The following HHIP variants were observed in gnomAD, a reference collection of about 807,000 sequenced individuals.
HHIP encodes the protein hedgehog-interacting protein.
In HHIP, 12 loss-of-function variants were observed where a neutral mutation model predicts 74.0. That is an observed-to-expected ratio of 0.16 (90% confidence interval 0.10 to 0.26). The LOEUF (loss-of-function observed/expected upper bound fraction) is 0.26, where lower values mean the gene tolerates loss of function less well. HHIP is among the 10% of genes least tolerant of loss of function. The probability of loss-of-function intolerance (pLI) is 1.00; values close to 1 mark genes in which losing one functional copy is unlikely to be tolerated. For synonymous variants in HHIP, 309 were observed against 311.6 expected, an observed-to-expected ratio of 0.99 and a Z score of 0.09; for missense variants, 788 against 845.0, an observed-to-expected ratio of 0.93 and a Z score of 0.84.
chr4:144,678,598 T>C (rs530439532), intron 4 of HHIP, among the ~76,000 whole-genome samples: 1 of 152,076 alleles, frequency 6.6e-6, no homozygotes, highest in Non-Finnish European at 1.5e-5. Flanking sequence ...TGTGTCCACA[T>C]GTTCTCATTC....
At chr4:144,723,545 C>T (rs1730697668) in intron 11 of HHIP, among the ~76,000 whole-genome samples, 1 of 152,196 alleles carries the variant, frequency 6.6e-6, no homozygotes, top group African/African-American at 2.4e-5. Context: ...CATAATAGAG[C>T]AGCTTTAGCC....
At chr4:144,711,881 A>G in intron 7 of HHIP, 69 bp from the exon 8 acceptor site, 1 of 1,501,280 alleles carries the variant, frequency 6.7e-7, no homozygotes, top group Non-Finnish European at 9.1e-7. Context: ...TTCCTATGTC[A>G]GGAATCTCCA....
chr4:144,689,535 TACA>T (rs1413947401), intron 4 of HHIP, among the ~76,000 whole-genome samples: 1 of 152,308 alleles, frequency 6.6e-6, no homozygotes, highest in South Asian at 2.1e-4. Context: ...GGTGGTAAAG[TACA>T]ACATTTTTAA....
intron 4 of HHIP, among the ~76,000 whole-genome samples, chr4:144,702,336 A>G (rs917625010): frequency 9.2e-5 from 14 of 152,248 alleles, no homozygotes; most frequent in Middle Eastern, 3.4e-3. Context: ...TATTTACATT[A>G]AAGTATCAGT....
intron 9 of HHIP, 60 bp downstream of exon 9, chr4:144,714,408 G>C (rs1484227212): frequency 3.3e-6 from 5 of 1,532,894 alleles, no homozygotes; most frequent in Non-Finnish European, 4.5e-6. Context: ...TTAATCATTT[G>C]GCAAACTGCC....
intron 4 of HHIP, among the ~76,000 whole-genome samples, chr4:144,691,292 C>G (rs1295633430): frequency 6.6e-6 from 1 of 152,140 alleles, no homozygotes; most frequent in Non-Finnish European, 1.5e-5. Flanking sequence ...AAACAAACTT[C>G]AAGGTTTATT....
chr4:144,669,995 T>A (rs1241284919), intron 4 of HHIP, among the ~76,000 whole-genome samples: 2 of 103,152 alleles, frequency 1.9e-5, no homozygotes, highest in African/African-American at 3.0e-5. Context: ...AAAAAAAAAA[T>A]TAGCTGGGTG....
intron 4 of HHIP, 38 bp from the exon 5 acceptor site, chr4:144,706,493 T>C (rs1377099271): frequency 6.6e-7 from 1 of 1,518,788 alleles, no homozygotes; most frequent in Non-Finnish European, 8.9e-7. Context: ...AGAACATAAT[T>C]AACTTTACAA....
At chr4:144,670,570 AC>A (rs1729007877) in intron 4 of HHIP, among the ~76,000 whole-genome samples, 1 of 151,806 alleles carries the variant, frequency 6.6e-6, no homozygotes, top group East Asian at 1.9e-4. Context: ...TCTTATTCTA[AC>A]CCAACTTTGA....
chr4:144,695,008 T>C (rs1169698464), intron 4 of HHIP, among the ~76,000 whole-genome samples: 1 of 151,864 alleles, frequency 6.6e-6, no homozygotes, highest in Non-Finnish European at 1.5e-5. Context: ...ATAGACCAAG[T>C]CATTCTAAAA....
chr4:144,700,303 C>G lies in HHIP; in HGVS notation c.832-6228C>G, dbSNP rs9308183. Among the ~76,000 whole-genome samples the G allele has an allele frequency of 3.1e-3, 470 of 152,284 alleles. 4 individuals are homozygous for G. Among genetic ancestry groups the G allele is most frequent in the African/African-American group, 8.7e-3 (363 of 41,548 alleles). On this transcript the variant is annotated intron_variant, in intron 4 of 12. Coordinates refer to ENST00000296575, the MANE Select transcript of HHIP (RefSeq NM_022475.3). ...ACTTCACTGGTCTCCTCTTTCAGTG[C>G]TCACAGGAGGGCATGGCCATGAAGA...
intron 4 of HHIP, among the ~76,000 whole-genome samples, chr4:144,698,259 A>G (rs1383801147): frequency 6.6e-6 from 1 of 152,166 alleles, no homozygotes; most frequent in African/African-American, 2.4e-5. Flanking sequence ...TCCCAACAGC[A>G]TTTGAAAATT....
chr4:144,694,615 G>T (rs753230419), intron 4 of HHIP, among the ~76,000 whole-genome samples: 10 of 151,440 alleles, frequency 6.6e-5, no homozygotes, highest in Non-Finnish European at 1.2e-4. Context: ...AAACAATTTT[G>T]TACCCTTTGC....
chr4:144,660,559 C>T (rs1351806519), intron 4 of HHIP, among the ~76,000 whole-genome samples: 1 of 151,672 alleles, frequency 6.6e-6, no homozygotes, highest in African/African-American at 2.4e-5. Flanking sequence ...TTGGGAAGAA[C>T]TGGTTATCCT....
At chr4:144,653,750 TAG>T (rs1728487780) in intron 2 of HHIP, among the ~76,000 whole-genome samples, 1 of 152,192 alleles carries the variant, frequency 6.6e-6, no homozygotes, top group Non-Finnish European at 1.5e-5. Context: ...CAGGAAAGTG[TAG>T]ACTTTTGTAT....
chr4:144,673,640 A>C (rs1367326458), intron 4 of HHIP, among the ~76,000 whole-genome samples: 1 of 152,222 alleles, frequency 6.6e-6, no homozygotes, highest in African/African-American at 2.4e-5. Flanking sequence ...GGTATCCTGA[A>C]GTCAGAGAGG....
intron 7 of HHIP, among the ~76,000 whole-genome samples, chr4:144,709,452 A>G (rs1029956984): frequency 1.3e-5 from 2 of 152,126 alleles, no homozygotes; most frequent in Non-Finnish European, 2.9e-5. Context: ...CTGAACCTCA[A>G]TGCAAAAACA....
At chr4:144,668,234 T>A (rs546556722) in intron 4 of HHIP, among the ~76,000 whole-genome samples, 1 of 152,080 alleles carries the variant, frequency 6.6e-6, no homozygotes, top group South Asian at 2.1e-4. Flanking sequence ...GGAGAATCAC[T>A]TGAACCCCGG....
In HHIP at chr4:144,741,889, G is replaced by T. The variant is rs1473971942; in HGVS notation, c.*3932G>T. The T allele has an allele frequency of 6.6e-6, 1 of 151,884 alleles. No homozygotes were observed. Among genetic ancestry groups the T allele is most frequent in the African/African-American group, 2.4e-5 (1 of 41,312 alleles). The allele number at this position is 151,884 out of a possible 1,614,324, so 9.4% of individuals were successfully genotyped here. On this transcript the variant is annotated 3_prime_UTR_variant, in exon 13 of 13. Transcript: ENST00000296575. ...TAGAGGAAGGCTAAGGTATACTATT[G>T]GCAGTTGTAGTTTTAATTGTAATTG...
Sources: allele counts gnomAD v4.1 joint callset (sites outside exome capture counted in the v4.1 genomes callset), GRCh38; gene constraint gnomAD v4.1.1; transcripts MANE v1.5; gene names NCBI Gene and HGNC (gene_info 2026-07-23, HGNC 2026-07-21).